Variants in CDH13 observed in about 807,000 individuals in gnomAD.
The protein encoded by CDH13 is cadherin 13, also known as cadherin-13.
In CDH13, 24 loss-of-function variants were observed where a neutral mutation model predicts 63.8. The ratio of observed to expected loss-of-function variants is 0.38; its 90% confidence interval spans 0.27 to 0.53. The LOEUF (loss-of-function observed/expected upper bound fraction) is 0.53. Ranked by LOEUF, CDH13 falls within the 20% of genes least tolerant of loss-of-function variation. The pLI is 0.85. For synonymous variants in CDH13, 503 were observed against 355.3 expected, an observed-to-expected ratio of 1.42 and a Z score of -4.67; for missense variants, 1,049 against 903.1, an observed-to-expected ratio of 1.16 and a Z score of -2.07.
In CDH13 at chr16:83,032,194, G is replaced by T. The variant is rs368675786; in HGVS notation, c.342G>T (p.Gly114=). ...EDMAELVIVG[G]KDIQGSLQDI... The stretch of plus-strand genomic sequence containing the variant: ...TGGCAGAACTCGTGATTGTCGGGGG[G>T]AAAGACATCCAGGGCTCCTTGCAGG... Residue 114 remains glycine (G), a synonymous_variant, in exon 3 of 14, where the codon GGG becomes GGT. Coordinates refer to ENST00000567109, the MANE Select transcript of CDH13 (RefSeq NM_001257.5). The T allele has an allele frequency of 5.6e-6, 9 of 1,613,512 alleles. No homozygotes were observed. The South Asian group carries it at 6.6e-5, about 12-fold the overall frequency.
intron 1 of CDH13, among the ~76,000 whole-genome samples, chr16:82,759,152 G>A (rs369312239): frequency 1.3e-5 from 2 of 152,314 alleles, no homozygotes; most frequent in South Asian, 2.1e-4. Flanking sequence ...CTTCCTGTGA[G>A]ACAATTGTGA....
At chr16:83,169,101 A>G (rs1355056237) in intron 4 of CDH13, among the ~76,000 whole-genome samples, 2 of 152,152 alleles carry the variant, frequency 1.3e-5, no homozygotes, top group Non-Finnish European at 2.9e-5. Context: ...TTTTGCAAAG[A>G]AATAACACTA....
chr16:82,661,664 A>G (rs1036486585), intron 1 of CDH13, among the ~76,000 whole-genome samples: 2 of 152,260 alleles, frequency 1.3e-5, no homozygotes, highest in African/African-American at 4.8e-5. Context: ...CCTTAAGGCT[A>G]GCTTACAAAT....
Position 83,486,496 on chromosome 16 carries a change from G to T in CDH13, c.801G>T (p.Met267Ile). The stretch of plus-strand genomic sequence containing the variant: ...CGGTAGGCACCACAGTGATGCGGAT[G>T]ACAGCCTTTGATGCAGATGACCCAG... ...GSPTGTTVMRMTAFDADDPAT... is the reference protein window; with the variant it reads ...GSPTGTTVMRITAFDADDPAT... The change falls in exon 7 of 14, where the codon ATG (methionine) becomes ATT (isoleucine). Residue 267 changes from methionine (M) to isoleucine (I), a missense_variant. Transcript: ENST00000567109. The T allele has an allele frequency of 6.2e-7, 1 of 1,613,554 alleles. No individual in the cohort carries two copies. Among genetic ancestry groups the T allele is most frequent in the African/African-American group, 1.3e-5 (1 of 75,042 alleles).
At chr16:83,327,832 A>G (rs1412040390) in intron 5 of CDH13, among the ~76,000 whole-genome samples, 2 of 152,192 alleles carry the variant, frequency 1.3e-5, no homozygotes, top group Non-Finnish European at 2.9e-5. Context: ...AGACCCCAAA[A>G]TAAAAATTAA....
At chr16:82,739,921 A>C (rs183973236) in intron 1 of CDH13, among the ~76,000 whole-genome samples, 18 of 152,322 alleles carry the variant, frequency 1.2e-4, no homozygotes, top group Admixed American at 6.5e-4. Flanking sequence ...CTACCTATGA[A>C]ATTATGTCAA....
At chr16:83,152,127 A>G (rs1264912489) in intron 4 of CDH13, among the ~76,000 whole-genome samples, 2 of 152,228 alleles carry the variant, frequency 1.3e-5, no homozygotes, top group African/African-American at 4.8e-5. Flanking sequence ...CATGAGAAAT[A>G]CCATTTGTGA....
intron 10 of CDH13, among the ~76,000 whole-genome samples, chr16:83,682,732 C>T (rs747920220): frequency 6.6e-6 from 1 of 152,160 alleles, no homozygotes; most frequent in South Asian, 2.1e-4. Flanking sequence ...CCATCTCTGT[C>T]TTTTCTGACA....
chr16:83,164,743 C>T (rs1014628726), intron 4 of CDH13, among the ~76,000 whole-genome samples: 9 of 139,890 alleles, frequency 6.4e-5, no homozygotes, highest in African/African-American at 8.5e-5. Flanking sequence ...AAAAAATCAT[C>T]GTTTTACTGA....
At chr16:82,923,016 T>C (rs1404407058) in intron 2 of CDH13, among the ~76,000 whole-genome samples, 2 of 152,168 alleles carry the variant, frequency 1.3e-5, no homozygotes, top group Non-Finnish European at 2.9e-5. Context: ...AATAGCATCA[T>C]GTATTTTAGA....
chr16:82,979,433 A>G (rs1433222178), intron 2 of CDH13, among the ~76,000 whole-genome samples: 1 of 152,060 alleles, frequency 6.6e-6, no homozygotes, highest in East Asian at 1.9e-4. Flanking sequence ...TAATCCCTAC[A>G]TGTGGTGGGA....
intron 6 of CDH13, among the ~76,000 whole-genome samples, chr16:83,438,074 C>G (rs1333439215): frequency 6.6e-6 from 1 of 152,176 alleles, no homozygotes; most frequent in Non-Finnish European, 1.5e-5. Context: ...AAAGCACACA[C>G]CTGATGATGC....
intron 6 of CDH13, among the ~76,000 whole-genome samples, chr16:83,429,195 G>A (rs991964334): frequency 1.3e-5 from 2 of 152,160 alleles, no homozygotes; most frequent in Admixed American, 6.5e-5. Flanking sequence ...TAGCATTTAC[G>A]AGAAGGTCCT....
intron 6 of CDH13, among the ~76,000 whole-genome samples, chr16:83,435,701 C>T (rs2072275510): frequency 1.3e-5 from 2 of 152,320 alleles, no homozygotes; most frequent in Admixed American, 6.5e-5. Flanking sequence ...AGCTTCAGCT[C>T]AGCTGTCTCT....
chr16:83,536,383 G>A (rs1256014121), intron 7 of CDH13, among the ~76,000 whole-genome samples: 3 of 152,124 alleles, frequency 2.0e-5, no homozygotes, highest in Admixed American at 6.6e-5. Context: ...CCTTGTGGAC[G>A]TGATCCTTGG....
chr16:83,185,279 T>G (rs1051233984), intron 4 of CDH13, among the ~76,000 whole-genome samples: 6 of 152,162 alleles, frequency 3.9e-5, no homozygotes, highest in Non-Finnish European at 7.3e-5. Context: ...AAACTTCTGA[T>G]GTGAAAAAGA....
intron 2 of CDH13, among the ~76,000 whole-genome samples, chr16:82,887,358 G>C (rs184364152): frequency 6.6e-6 from 1 of 152,292 alleles, no homozygotes; most frequent in African/African-American, 2.4e-5. Flanking sequence ...GGGAGGAATA[G>C]GCATTTTCAT....
intron 2 of CDH13, among the ~76,000 whole-genome samples, chr16:83,003,000 T>G (rs964404941): frequency 6.6e-6 from 1 of 152,212 alleles, no homozygotes; most frequent in Non-Finnish European, 1.5e-5. Flanking sequence ...GGTAACAAAA[T>G]TCCCACTTTA....
chr16:83,793,587 A>T (rs897185541), intron 13 of CDH13, among the ~76,000 whole-genome samples: 19 of 152,144 alleles, frequency 1.2e-4, no homozygotes, highest in African/African-American at 4.6e-4. Flanking sequence ...TACTTTCGTG[A>T]TTGGCTGAGT....
Sources: gnomAD v4.1 joint callset for allele counts (sites outside exome capture counted in the v4.1 genomes callset) on GRCh38, gnomAD v4.1.1 for gene constraint, MANE v1.5 for transcripts, NCBI Gene and HGNC (gene_info 2026-07-23, HGNC 2026-07-21) for gene names.